Variants in FHL5 observed in about 807,000 individuals in gnomAD.
FHL5 encodes the protein four and a half LIM domains protein 5.
Under a neutral mutation model 32.0 loss-of-function variants are expected in FHL5, and 33 were observed. That is an observed-to-expected ratio of 1.03 (90% CI 0.78 to 1.38). FHL5 has a LOEUF of 1.38. FHL5 is among the 40% of genes most tolerant of loss of function. The pLI is 0.00. For synonymous variants in FHL5, 114 were observed against 113.6 expected, an observed-to-expected ratio of 1.00 and a Z score of -0.02; for missense variants, 336 against 343.9, an observed-to-expected ratio of 0.98 and a Z score of 0.18.
At position 96,564,283 on chromosome 6, in the gene FHL5, A is replaced by G. The variant is rs146283680; in HGVS notation, c.-13+928A>G. 2.0e-5 allele frequency among the ~76,000 whole-genome samples: 3 copies of G among 152,314 alleles called. No individual in the cohort carries two copies. The East Asian group carries it at 5.8e-4, about 29-fold the overall frequency. ...TTTTATTAGCAAAGCATATGGATTAAAATTTAACATAGGTATTGCAAACAT... is the reference window on the plus strand; with the variant it reads ...TTTTATTAGCAAAGCATATGGATTAGAATTTAACATAGGTATTGCAAACAT... On this transcript the variant is annotated intron_variant, in intron 1 of 5. Coordinates refer to ENST00000450218, the MANE Select transcript of FHL5 (RefSeq NM_001322466.2).
intron 1 of FHL5, among the ~76,000 whole-genome samples, chr6:96,596,646 T>A (rs1771041435): frequency 6.6e-6 from 1 of 152,104 alleles, no homozygotes; most frequent in African/African-American, 2.4e-5. Context: ...TAGGGTTTCT[T>A]TGATGGTCTC....
chr6:96,608,889 A>C (rs1771340168), intron 4 of FHL5, among the ~76,000 whole-genome samples: 1 of 152,190 alleles, frequency 6.6e-6, no homozygotes, highest in African/African-American at 2.4e-5. Flanking sequence ...TTTGGTGTAT[A>C]TATCAAGTTT....
At chr6:96,602,389 T>C (rs1855533) in intron 1 of FHL5, among the ~76,000 whole-genome samples, 56,924 of 142,324 alleles carry the variant, frequency 0.4, 12,176 homozygotes, top group African/African-American at 0.55. Context: ...TCATGTTCAA[T>C]GCCTAATTAA....
At chr6:96,571,601 C>A (rs1770480255) in intron 1 of FHL5, among the ~76,000 whole-genome samples, 2 of 152,230 alleles carry the variant, frequency 1.3e-5, no homozygotes, top group Middle Eastern at 3.4e-3. Flanking sequence ...GTAGGTTACC[C>A]ATAGAGCCAG....
chr6:96,605,472 T>C (rs1771256621), intron 3 of FHL5, among the ~76,000 whole-genome samples: 1 of 152,238 alleles, frequency 6.6e-6, no homozygotes, highest in African/African-American at 2.4e-5. Context: ...TCTTGCTCTC[T>C]CATTTTCTTA....
In FHL5 at chr6:96,587,355, A is replaced by G. The variant is rs9372163; in HGVS notation, c.-12-16247A>G. Among the ~76,000 whole-genome samples, 2,262 of 152,264 alleles carry G rather than the reference A, an allele frequency of 0.015. 125 individuals carry two copies. In the East Asian group the frequency reaches 0.15, roughly 10 times the overall value. On this transcript the variant is annotated intron_variant, in intron 1 of 5. Coordinates refer to ENST00000450218, the MANE Select transcript of FHL5 (RefSeq NM_001322466.2). ...GTTTCCTAATCTTAAAAAAGTCCTT[A>G]AAGGGCACCTATTTTTCTTCAGTTA...
intron 1 of FHL5, among the ~76,000 whole-genome samples, chr6:96,577,941 C>CAA (rs201913399): frequency 9.7e-5 from 10 of 102,954 alleles, no homozygotes; most frequent in South Asian, 3.0e-4. Flanking sequence ...CTTCTTCTTT[C>CAA]AAAAAAAAAA....
chr6:96,614,819 A>G, intron 5 of FHL5, among the ~76,000 whole-genome samples: 1 of 152,204 alleles, frequency 6.6e-6, no homozygotes, highest in East Asian at 1.9e-4. Flanking sequence ...CCCTCACCGA[A>G]GATTCAAATT....
At chr6:96,596,885 G>T (rs1771046322) in intron 1 of FHL5, among the ~76,000 whole-genome samples, 1 of 151,778 alleles carries the variant, frequency 6.6e-6, no homozygotes, top group Non-Finnish European at 1.5e-5. Flanking sequence ...TCTATTAGTG[G>T]CATACTAATT....
At chr6:96,568,725 G>A (rs1301988525) in intron 1 of FHL5, among the ~76,000 whole-genome samples, 1 of 151,750 alleles carries the variant, frequency 6.6e-6, no homozygotes, top group Non-Finnish European at 1.5e-5. Flanking sequence ...ACCTATTTCT[G>A]TCAGGTCTTC....
chr6:96,617,192 T>C lies in FHL5; in HGVS notation c.*1420T>C, dbSNP rs1196902441. On this transcript the variant is annotated 3_prime_UTR_variant, in exon 6 of 6. Transcript: ENST00000450218. Reference sequence around the variant, plus strand: ...GGAAAGCAACCTCTGCTCTCCATGATCTGTTTTCACATTGGTTATAGCATC... The same window carrying C: ...GGAAAGCAACCTCTGCTCTCCATGACCTGTTTTCACATTGGTTATAGCATC... Among the ~76,000 whole-genome samples the C allele has an allele frequency of 6.6e-6, 1 of 152,252 alleles. No homozygotes were observed. Among genetic ancestry groups the C allele is most frequent in the East Asian group, 1.9e-4 (1 of 5,200 alleles).
chr6:96,604,022 T>A (rs1479718153), intron 2 of FHL5, among the ~76,000 whole-genome samples: 1 of 152,240 alleles, frequency 6.6e-6, no homozygotes, highest in Non-Finnish European at 1.5e-5. Flanking sequence ...TTAAGCTATT[T>A]GTCCAAAGTT....
rs1771535670 is a variant in FHL5, at chr6:96,616,978, G to A, written c.*1206G>A. ...GTTGTGCCCCCAGTTTCAATCTCCT[G>A]CATAACCAGGAGGTGCACTCCTAAC... On this transcript the variant is annotated 3_prime_UTR_variant, in exon 6 of 6. Coordinates refer to ENST00000450218, the MANE Select transcript of FHL5 (RefSeq NM_001322466.2). Among the ~76,000 whole-genome samples, 2 of 151,384 alleles carry A rather than the reference G, an allele frequency of 1.3e-5. No homozygotes were observed. Among genetic ancestry groups the A allele is most frequent in the Non-Finnish European group, 2.9e-5 (2 of 67,908 alleles).
At chr6:96,603,350 A>C (rs1017796383) in intron 1 of FHL5, among the ~76,000 whole-genome samples, 1 of 152,176 alleles carries the variant, frequency 6.6e-6, no homozygotes, top group Non-Finnish European at 1.5e-5. Flanking sequence ...TGTTTTTCAT[A>C]ATCTAGATGC....
Position 96,586,450 on chromosome 6 carries a change from A to G in FHL5, c.-12-17152A>G, listed in dbSNP as rs186792474. 9.9e-5 allele frequency among the ~76,000 whole-genome samples: 15 copies of G among 152,064 alleles called. No homozygotes were observed. In the East Asian group the frequency reaches 2.9e-3, roughly 29 times the overall value. ...ACAAGAAGGATAAGACATCAGTTTG[A>G]GGAGTCTCTATCAGAGCAACATAAA... On this transcript the variant is annotated intron_variant, in intron 1 of 5. Transcript: ENST00000450218.
chr6:96,588,100 A>G (rs982943292), intron 1 of FHL5, among the ~76,000 whole-genome samples: 1 of 152,254 alleles, frequency 6.6e-6, no homozygotes, highest in Non-Finnish European at 1.5e-5. Flanking sequence ...GTTGAGTCAC[A>G]TGAAAGGTAT....
At chr6:96,572,217 G>A (rs977161114) in intron 1 of FHL5, among the ~76,000 whole-genome samples, 3 of 152,182 alleles carry the variant, frequency 2.0e-5, no homozygotes, top group African/African-American at 7.2e-5. Flanking sequence ...GGGATGCGGG[G>A]CATCAGTTCA....
chr6:96,565,676 C>A (rs915691542), intron 1 of FHL5, among the ~76,000 whole-genome samples: 61 of 152,142 alleles, frequency 4.0e-4, no homozygotes, highest in African/African-American at 1.4e-3. Flanking sequence ...TTTCCAATAT[C>A]ATTGCAATTA....
chr6:96,568,602 T>C (rs1313446696), intron 1 of FHL5, among the ~76,000 whole-genome samples: 1 of 151,926 alleles, frequency 6.6e-6, no homozygotes, highest in Non-Finnish European at 1.5e-5. Flanking sequence ...TGAGCTTCTT[T>C]TTGATAAGAG....
Sources: allele counts gnomAD v4.1 joint callset (sites outside exome capture counted in the v4.1 genomes callset), GRCh38; gene constraint gnomAD v4.1.1; transcripts MANE v1.5; gene names NCBI Gene and HGNC (gene_info 2026-07-23, HGNC 2026-07-21).